The following SLCO5A1 variants were observed in gnomAD, a reference collection of about 807,000 sequenced individuals.
The protein encoded by SLCO5A1 is solute carrier organic anion transporter family member 5A1, also known as organic anion transporter polypeptide-related protein 4.
SLCO5A1 carries 39 observed loss-of-function variants against 65.1 expected under a neutral mutation model. The ratio of observed to expected loss-of-function variants is 0.60; its 90% CI spans 0.46 to 0.78. The LOEUF (loss-of-function observed/expected upper bound fraction) is 0.78. Among genes scored for constraint, SLCO5A1 ranks in the 30% least tolerant of loss-of-function variants. SLCO5A1 has a pLI of 0.00. For missense variants in SLCO5A1, 1,029 were observed against 1,069.4 expected, an observed-to-expected ratio of 0.96 and a Z score of 0.53; for synonymous variants, 438 against 415.7, an observed-to-expected ratio of 1.05 and a Z score of -0.65.
intron 2 of SLCO5A1, among the ~76,000 whole-genome samples, chr8:69,805,727 C>A (rs924848411): frequency 2.6e-5 from 4 of 152,188 alleles, no homozygotes; most frequent in African/African-American, 9.7e-5. Context: ...ACAGCCCCTT[C>A]TCCCACTTAA....
At chr8:69,828,198 A>G (rs776327069) in intron 2 of SLCO5A1, among the ~76,000 whole-genome samples, 1 of 152,134 alleles carries the variant, frequency 6.6e-6, no homozygotes, top group Non-Finnish European at 1.5e-5. Flanking sequence ...TCCTACTGAG[A>G]TCCATTTAAT....
intron 3 of SLCO5A1, among the ~76,000 whole-genome samples, chr8:69,756,695 C>T (rs1370381678): frequency 6.6e-6 from 1 of 152,218 alleles, no homozygotes; most frequent in African/African-American, 2.4e-5. Flanking sequence ...AGCTATTAGA[C>T]TCAGAATTCT....
chr8:69,703,819 G>A (rs62512238), intron 6 of SLCO5A1, among the ~76,000 whole-genome samples: 19,932 of 152,138 alleles, frequency 0.13, 1,422 homozygotes, highest in Non-Finnish European at 0.16. Context: ...CAATTAAATG[G>A]TATTAAAGAC....
Position 69,668,689 on chromosome 8 carries a change from A to G in SLCO5A1, c.*4180T>C, listed in dbSNP as rs1253138034. 6.6e-6 allele frequency: 1 copy of G among 152,150 alleles called. No homozygotes were observed. The highest frequency in any genetic ancestry group is 1.5e-5 in the Non-Finnish European group (1 of 68,032). The allele number at this position is 152,150 out of a possible 1,614,324, so 9.4% of individuals were successfully genotyped here. ...GCCAAAAAGACACTTTCTGGCTCCA[A>G]GTGCACCAAAGAGCGCAAGCTGGAA... On this transcript the variant is annotated 3_prime_UTR_variant, in exon 10 of 10. Transcript: ENST00000260126.
At chr8:69,681,693 A>G (rs912929743) in intron 7 of SLCO5A1, among the ~76,000 whole-genome samples, 2 of 152,208 alleles carry the variant, frequency 1.3e-5, no homozygotes, top group Non-Finnish European at 1.5e-5. Flanking sequence ...CTATTCTTGA[A>G]CTGTCAGAAA....
intron 2 of SLCO5A1, among the ~76,000 whole-genome samples, chr8:69,777,988 A>T (rs1818630668): frequency 6.6e-6 from 1 of 152,210 alleles, no homozygotes; most frequent in Non-Finnish European, 1.5e-5. Context: ...TGAGAGAGAG[A>T]CCACATTCAC....
At chr8:69,735,510 T>C (rs987161168) in intron 5 of SLCO5A1, among the ~76,000 whole-genome samples, 8 of 152,260 alleles carry the variant, frequency 5.3e-5, no homozygotes, top group Admixed American at 2.0e-4. Context: ...CAAAATCATG[T>C]CATATGCAGG....
chr8:69,802,123 G>GA (rs1353532875), intron 2 of SLCO5A1, among the ~76,000 whole-genome samples: 4 of 151,904 alleles, frequency 2.6e-5, no homozygotes, highest in Non-Finnish European at 4.4e-5. Flanking sequence ...GTAAATTTGA[G>GA]AAAAAAATAC....
intron 6 of SLCO5A1, among the ~76,000 whole-genome samples, chr8:69,683,581 G>T (rs79061672): frequency 4.7e-4 from 65 of 138,252 alleles, no homozygotes; most frequent in African/African-American, 1.6e-3. Flanking sequence ...TTTTTTTTTT[G>T]AGAAGGAGTC....
chr8:69,763,406 G>A (rs899826775), intron 2 of SLCO5A1, among the ~76,000 whole-genome samples: 3 of 151,342 alleles, frequency 2.0e-5, no homozygotes, highest in Non-Finnish European at 2.9e-5. Flanking sequence ...CTTGAGGTCA[G>A]GAGTTCGAGA....
At chr8:69,694,747 C>T (rs772100530) in intron 6 of SLCO5A1, among the ~76,000 whole-genome samples, 6 of 152,206 alleles carry the variant, frequency 3.9e-5, no homozygotes, top group South Asian at 2.1e-4. Flanking sequence ...CAGAAAAATT[C>T]TCCATGGAAA....
intron 4 of SLCO5A1, among the ~76,000 whole-genome samples, chr8:69,754,779 GA>G (rs1018178843): frequency 1.3e-5 from 2 of 151,686 alleles, no homozygotes; most frequent in Non-Finnish European, 2.9e-5. Context: ...AAATAAAAAT[GA>G]AAAAAAATAA....
At chr8:69,674,199 G>A (rs1023976192) in intron 9 of SLCO5A1, among the ~76,000 whole-genome samples, 10 of 152,142 alleles carry the variant, frequency 6.6e-5, no homozygotes, top group African/African-American at 2.4e-4. Flanking sequence ...CATTTTAAAT[G>A]TTTACAAATT....
chr8:69,713,112 T>C (rs2130818457), intron 5 of SLCO5A1, among the ~76,000 whole-genome samples: 1 of 152,352 alleles, frequency 6.6e-6, no homozygotes, highest in South Asian at 2.1e-4. Context: ...TATCAGTCTC[T>C]GAAACCTCTT....
At position 69,832,334 on chromosome 8, in the gene SLCO5A1, G is replaced by C; in HGVS notation, c.340C>G (p.Leu114Val). ...ACGTAGAGGCACCTTCTCTCCTGGA[G>C]CATGGCCAAGGCGGAGGACACCGAG... ...TFSVSSALAM[L>V]QERRCLYVVL... Residue 114 changes from leucine (L) to valine (V), a missense_variant, in exon 2 of 10, where the codon CTC becomes GTC. Physicochemically the swap from Leu to Val is conservative, Grantham distance 32. This residue lies in a region of SLCO5A1 where 647 missense variants were observed against 647.5 expected (regional missense o/e 1.00). Coordinates refer to ENST00000260126, the MANE Select transcript of SLCO5A1 (RefSeq NM_030958.3). The surrounding 1 kb of genome is among the most constrained non-coding windows in gnomAD (Gnocchi z 4.5). 6.2e-7 allele frequency: 1 copy of C among 1,614,214 alleles called. No homozygotes were observed. Among genetic ancestry groups the C allele is most frequent in the Non-Finnish European group, 8.5e-7 (1 of 1,180,032 alleles).
chr8:69,826,241 C>T (rs1375214339), intron 2 of SLCO5A1, among the ~76,000 whole-genome samples: 2 of 151,632 alleles, frequency 1.3e-5, no homozygotes, highest in African/African-American at 4.8e-5. Context: ...ATGTCTAAAA[C>T]ACCAAAAGCA....
At chr8:69,747,635 G>A (rs959112736) in intron 4 of SLCO5A1, among the ~76,000 whole-genome samples, 8 of 152,288 alleles carry the variant, frequency 5.3e-5, no homozygotes, top group South Asian at 2.1e-4. Flanking sequence ...CTTGAGCATC[G>A]TGGATTTTGG....
intron 6 of SLCO5A1, among the ~76,000 whole-genome samples, chr8:69,690,760 C>T (rs1314330755): frequency 1.3e-4 from 20 of 152,136 alleles, no homozygotes; most frequent in Middle Eastern, 3.2e-3. Flanking sequence ...CCAACAGTCT[C>T]GGCCAAGAGC....
At chr8:69,780,677 C>A (rs954976626) in intron 2 of SLCO5A1, among the ~76,000 whole-genome samples, 2 of 151,968 alleles carry the variant, frequency 1.3e-5, no homozygotes, top group African/African-American at 4.8e-5. Context: ...GGATGATGAG[C>A]GATTACTTAA....
Sources: allele counts gnomAD v4.1 joint callset (sites outside exome capture counted in the v4.1 genomes callset), GRCh38; gene constraint gnomAD v4.1.1; regional missense constraint gnomAD v4.1.1; non-coding constraint Gnocchi (gnomAD v3.1); transcripts MANE v1.5; gene names NCBI Gene and HGNC (gene_info 2026-07-23, HGNC 2026-07-21).